Variants in MREG observed in about 807,000 individuals in gnomAD.
MREG encodes the protein dilute suppressor protein homolog.
A neutral mutation model predicts 28.5 loss-of-function variants in MREG; 31 were observed. That is an observed-to-expected ratio of 1.09 (90% CI 0.82 to 1.47). The LOEUF is 1.47. Ranked by LOEUF, MREG falls within the 40% of genes most tolerant of loss-of-function variation. The pLI is 0.00. For synonymous variants in MREG, 106 were observed against 95.2 expected, an observed-to-expected ratio of 1.11 and a Z score of -0.66; for missense variants, 256 against 257.4, an observed-to-expected ratio of 0.99 and a Z score of 0.04.
At chr2:215,961,191 G>A (rs534533692) in intron 2 of MREG, among the ~76,000 whole-genome samples, 7 of 152,334 alleles carry the variant, frequency 4.6e-5, no homozygotes, top group South Asian at 2.1e-4. Flanking sequence ...TAGAGGGGCC[G>A]TCAATAACTC....
At position 216,013,544 on chromosome 2, in the gene MREG, T is replaced by C. The variant is rs2105927054; in HGVS notation, c.-217A>G. ...CTCTCCTTGCGTTTTGTTTGGGGCG[T>C]GAGTTTTCTTCGGGCTTTTTTTCCC... On this transcript the variant is annotated 5_prime_UTR_variant, in exon 1 of 5. Transcript: ENST00000263268. 5.9e-6 allele frequency: 1 copy of C among 169,476 alleles called. No individual in the cohort carries two copies. The highest frequency in any genetic ancestry group is 2.0e-4 in the South Asian group (1 of 5,022). 10.5% of individuals were successfully genotyped at this position (169,476 alleles called of 1,614,324 possible).
At chr2:216,029,972 G>T (rs566649672) in intron 1 of MREG, among the ~76,000 whole-genome samples, 1 of 152,276 alleles carries the variant, frequency 6.6e-6, no homozygotes, top group East Asian at 1.9e-4. Flanking sequence ...GGTCACATGG[G>T]CTTCTCATAT....
intron 2 of MREG, among the ~76,000 whole-genome samples, chr2:215,987,388 A>T (rs1348656460): frequency 1.3e-5 from 2 of 151,906 alleles, no homozygotes; most frequent in African/African-American, 4.8e-5. Flanking sequence ...CTGGAATTAC[A>T]GGTAAGTGCC....
At chr2:216,022,205 A>G (rs1574661100) in intron 1 of MREG, among the ~76,000 whole-genome samples, 1 of 152,140 alleles carries the variant, frequency 6.6e-6, no homozygotes, top group Admixed American at 6.6e-5. Flanking sequence ...GAGCTGAGAT[A>G]GTGCCACTGT....
intron 2 of MREG, among the ~76,000 whole-genome samples, chr2:215,955,281 GC>G (rs1197919170): frequency 6.6e-6 from 1 of 151,992 alleles, no homozygotes; most frequent in South Asian, 2.1e-4. Flanking sequence ...TGTAGAAAAT[GC>G]CCCCCCATAT....
intron 1 of MREG, among the ~76,000 whole-genome samples, chr2:216,025,706 G>C (rs935189735): frequency 3.9e-5 from 6 of 152,186 alleles, no homozygotes; most frequent in African/African-American, 9.7e-5. Flanking sequence ...TCCCAGAAAT[G>C]GGCTGACAGC....
chr2:216,006,249 G>A (rs368248770), intron 1 of MREG, among the ~76,000 whole-genome samples: 28 of 152,170 alleles, frequency 1.8e-4, no homozygotes, highest in African/African-American at 6.3e-4. Context: ...GTGGCTTGCC[G>A]GGGAAGAAAA....
rs1415632517 is a variant in MREG at position 215,996,362 on chromosome 2, C to T, written c.199G>A (p.Asp67Asn). The change falls in exon 2 of 5, where the codon GAC becomes AAC. Residue 67 changes from aspartate to asparagine, a missense_variant. By Grantham distance (23) the Asp-to-Asn change is conservative. Transcript: ENST00000263268. The stretch of plus-strand genomic sequence containing the variant: ...ACTATCAAATTGTACAGGGTTCTGT[C>T]GTCGTCTGCCTCTGTGTGGGACACA... ...HDVSHTEADDDRTLYNLIVIR... is the reference protein window; with the variant it reads ...HDVSHTEADDNRTLYNLIVIR... The T allele has an allele frequency of 1.9e-6, 3 of 1,613,982 alleles. No individual in the cohort carries two copies. Among genetic ancestry groups the T allele is most frequent in the East Asian group, 2.2e-5 (1 of 44,882 alleles).
downstream of MREG, among the ~76,000 whole-genome samples, chr2:215,940,148 A>G (rs188030224): frequency 1.2e-4 from 19 of 152,312 alleles, no homozygotes; most frequent in African/African-American, 4.6e-4. Context: ...TTCTAAATCC[A>G]TATGTTTAAG....
intron 1 of MREG, among the ~76,000 whole-genome samples, chr2:215,997,938 C>T (rs1480893734): frequency 6.6e-6 from 1 of 152,118 alleles, no homozygotes; most frequent in Non-Finnish European, 1.5e-5. Context: ...CAGCAGGAAC[C>T]CACCCAGCTA....
chr2:216,008,974 C>T (rs1694229472), intron 1 of MREG, among the ~76,000 whole-genome samples: 1 of 152,118 alleles, frequency 6.6e-6, no homozygotes. Context: ...TAATGAAATC[C>T]CCACCATAGC....
intron 2 of MREG, among the ~76,000 whole-genome samples, chr2:215,965,262 G>A (rs886162572): frequency 1.3e-5 from 2 of 152,194 alleles, no homozygotes; most frequent in African/African-American, 2.4e-5. Flanking sequence ...TACATTTGCA[G>A]GTTCCTGTGC....
chr2:216,002,550 CCA>C (rs1270155486), intron 1 of MREG, among the ~76,000 whole-genome samples: 15 of 152,220 alleles, frequency 9.9e-5, no homozygotes, highest in Admixed American at 3.3e-4. Flanking sequence ...AAGAAAATCT[CCA>C]GTCAACAGCA....
At chr2:215,993,342 T>C (rs1693771657) in intron 2 of MREG, among the ~76,000 whole-genome samples, 2 of 152,174 alleles carry the variant, frequency 1.3e-5, no homozygotes, top group Admixed American at 1.3e-4. Context: ...ATTTAATAAA[T>C]GGTGTTGGGA....
chr2:215,999,157 G>A (rs1412199438), intron 1 of MREG, among the ~76,000 whole-genome samples: 3 of 152,236 alleles, frequency 2.0e-5, no homozygotes, highest in Non-Finnish European at 4.4e-5. Flanking sequence ...AGCACGTGGT[G>A]TGCGGAGCAA....
intron 1 of MREG, among the ~76,000 whole-genome samples, chr2:215,996,937 C>T (rs527745994): frequency 7.2e-5 from 11 of 152,262 alleles, no homozygotes; most frequent in South Asian, 2.1e-4. Flanking sequence ...CCTGCCACCA[C>T]GCCCGGATAA....
intron 2 of MREG, among the ~76,000 whole-genome samples, chr2:215,969,314 AC>A (rs1490307262): frequency 6.6e-6 from 1 of 152,230 alleles, no homozygotes; most frequent in Non-Finnish European, 1.5e-5. Flanking sequence ...CTTAAAAACC[AC>A]AGACTTATGC....
intron 1 of MREG, among the ~76,000 whole-genome samples, chr2:216,001,408 C>T (rs17314497): frequency 0.017 from 2,552 of 152,286 alleles, 52 homozygotes; most frequent in Non-Finnish European, 0.025. Context: ...GAGAACCAAC[C>T]GCTGTGCCCC....
chr2:215,996,006 A>G (rs1693862788), intron 2 of MREG, among the ~76,000 whole-genome samples: 1 of 152,238 alleles, frequency 6.6e-6, no homozygotes, highest in Admixed American at 6.5e-5. Context: ...TTAGAGATGG[A>G]CGGTTTAAGC....
Sources: allele counts gnomAD v4.1 joint callset (sites outside exome capture counted in the v4.1 genomes callset), GRCh38; gene constraint gnomAD v4.1.1; transcripts MANE v1.5; gene names NCBI Gene and HGNC (gene_info 2026-07-23, HGNC 2026-07-21).